RFX2: variants seen among roughly 807,000 people sequenced by gnomAD.
RFX2 encodes the protein regulatory factor X2.
In RFX2, 20 loss-of-function variants were observed where a neutral mutation model predicts 87.8. The ratio of observed to expected loss-of-function variants is 0.23; its 90% CI spans 0.16 to 0.33. The LOEUF is 0.33. Among genes scored for constraint, RFX2 ranks in the 10% least tolerant of loss-of-function variants. RFX2 has a pLI of 1.00. For synonymous variants in RFX2, 397 were observed against 431.3 expected (o/e 0.92, Z 0.98); for missense variants, 767 against 1,012.3 (o/e 0.76, Z 3.29).
Position 6,047,498 on chromosome 19 carries a change from C to T in RFX2, c.-2G>A. The T allele has an allele frequency of 6.2e-7, 1 of 1,607,264 alleles. No homozygotes were observed. Among genetic ancestry groups the T allele is most frequent in the Non-Finnish European group, 8.5e-7 (1 of 1,176,886 alleles). ...CGCTCCACCCTCGGAATTCTGCATG[C>T]TCAGGTCTAAAGAAAGGCGGAGAGA... On this transcript the variant is annotated 5_prime_UTR_variant, in exon 2 of 18. Coordinates refer to ENST00000303657, the MANE Select transcript of RFX2 (RefSeq NM_000635.4). The surrounding 1 kb of genome is among the most constrained non-coding windows in gnomAD (Gnocchi z 4.2).
chr19:6,053,957 A>C (rs2087298126), intron 1 of RFX2, among the ~76,000 whole-genome samples: 1 of 138,026 alleles, frequency 7.2e-6, no homozygotes, highest in Non-Finnish European at 1.5e-5. Flanking sequence ...CTCTATCTCA[A>C]AAAAAAAAAA....
chr19:6,005,886 T>G (rs2086573000), intron 12 of RFX2, among the ~76,000 whole-genome samples: 1 of 152,180 alleles, frequency 6.6e-6, no homozygotes, highest in South Asian at 2.1e-4. Context: ...GGTGGTCGTC[T>G]GCAAGACCAG....
chr19:6,077,190 A>C (rs2087704550), intron 1 of RFX2: 1 of 152,304 alleles, frequency 6.6e-6, no homozygotes, highest in South Asian at 2.1e-4. Flanking sequence ...AGCTTCCTTA[A>C]ATCTCTTTAG....
chr19:6,031,864 G>A (rs568359127), intron 5 of RFX2, among the ~76,000 whole-genome samples: 30 of 152,210 alleles, frequency 2.0e-4, no homozygotes, highest in African/African-American at 7.0e-4. Flanking sequence ...TGCTGCCCAG[G>A]CTGGAGTGCA....
intron 2 of RFX2, among the ~76,000 whole-genome samples, chr19:6,046,406 C>A (rs1334529791): frequency 6.6e-6 from 1 of 151,940 alleles, no homozygotes; most frequent in Non-Finnish European, 1.5e-5. Flanking sequence ...CATGGTGAAA[C>A]CTCGTCTCTA....
chr19:6,070,657 A>G (rs2087593966), intron 1 of RFX2, among the ~76,000 whole-genome samples: 1 of 152,134 alleles, frequency 6.6e-6, no homozygotes, highest in African/African-American at 2.4e-5. Flanking sequence ...GCCTGACAGA[A>G]GCCCCACTCC....
intron 1 of RFX2, among the ~76,000 whole-genome samples, chr19:6,054,096 CA>C (rs151233883): frequency 0.019 from 2,903 of 151,474 alleles, 111 homozygotes; most frequent in African/African-American, 0.068. Context: ...CTACAGAAAT[CA>C]AAATGATAAT....
At chr19:6,048,588 G>C (rs550889806) in intron 1 of RFX2, among the ~76,000 whole-genome samples, 2 of 152,124 alleles carry the variant, frequency 1.3e-5, no homozygotes, top group African/African-American at 4.8e-5. Flanking sequence ...CTGCCTGCTG[G>C]GGGTGGTGAG....
At position 6,022,560 on chromosome 19, in the gene RFX2, C is replaced by T. The variant is rs76356108; in HGVS notation, c.597+3603G>A. ...CCCGGTGGCCCCCAGGGGCTGAGGC[C>T]GCCTCTTCTGCTCAAGTCGGTGGCC... On this transcript the variant is annotated intron_variant, in intron 6 of 17. Coordinates refer to ENST00000303657, the MANE Select transcript of RFX2 (RefSeq NM_000635.4). This position sits in a 1 kb window ranked among gnomAD's most constrained non-coding sequence, Gnocchi z 6.2. 5.1e-3 allele frequency among the ~76,000 whole-genome samples: 769 copies of T among 152,256 alleles called. 13 individuals are homozygous for T. The East Asian group carries it at 0.091, about 18-fold the overall frequency.
intron 15 of RFX2, among the ~76,000 whole-genome samples, chr19:6,000,774 C>T (rs1203060708): frequency 6.6e-6 from 1 of 152,258 alleles, no homozygotes; most frequent in Non-Finnish European, 1.5e-5. Context: ...TTGGGTATGT[C>T]TGTATCAGCA....
intron 1 of RFX2, among the ~76,000 whole-genome samples, chr19:6,108,869 A>G (rs2088262524): frequency 6.6e-6 from 1 of 152,134 alleles, no homozygotes. Context: ...CCCTTGAAAT[A>G]GCCACTAGGA....
intron 1 of RFX2, among the ~76,000 whole-genome samples, chr19:6,082,492 G>T (rs564530520): frequency 6.6e-6 from 1 of 152,210 alleles, no homozygotes; most frequent in Admixed American, 6.5e-5. Context: ...GAGTGCAGTG[G>T]CGCGATCACA....
rs2086795007 is a variant in RFX2 at position 6,020,393 on chromosome 19, C to A, written c.598-4122G>T. ...GTCCTTCTTGCTCAACATCAAGAAA[C>A]CACAGAGAAGACTGAAGCGGCTGGA... On this transcript the variant is annotated intron_variant, in intron 6 of 17. Coordinates refer to ENST00000303657, the MANE Select transcript of RFX2 (RefSeq NM_000635.4). This position sits in a 1 kb window ranked among gnomAD's most constrained non-coding sequence, Gnocchi z 5.3. 2.6e-5 allele frequency: 4 copies of A among 152,232 alleles called. No homozygotes were observed. The highest frequency in any genetic ancestry group is 2.0e-4 in the Admixed American group (3 of 15,278). 9.4% of individuals were successfully genotyped at this position (152,232 alleles called of 1,614,324 possible).
At chr19:6,072,843 C>G (rs1390396623) in intron 1 of RFX2, 1 of 1,291,080 alleles carries the variant, frequency 7.7e-7, no homozygotes, top group Non-Finnish European at 1.1e-6. Context: ...TCAGACCCCT[C>G]GTGAAGCCCA....
chr19:6,036,079 C>G (rs1261632568), intron 5 of RFX2, among the ~76,000 whole-genome samples: 2 of 152,156 alleles, frequency 1.3e-5, no homozygotes, highest in African/African-American at 4.8e-5. Context: ...CAATCCTAGT[C>G]TATTTTACTG....
intron 1 of RFX2, among the ~76,000 whole-genome samples, chr19:6,102,412 G>A (rs530243643): frequency 6.6e-6 from 1 of 152,260 alleles, no homozygotes; most frequent in South Asian, 2.1e-4. Context: ...TTGTATGAAT[G>A]AATGATGAAC....
rs73923418 is a variant in RFX2, at chr19:6,007,371, G to A, written c.1248-205C>T. Among the ~76,000 whole-genome samples, 2,027 of 152,170 alleles carry A rather than the reference G, an allele frequency of 0.013. 28 individuals carry two copies. Among genetic ancestry groups the A allele is most frequent in the Middle Eastern group, 0.082 (24 of 294 alleles). On this transcript the variant is annotated intron_variant, in intron 11 of 17. Coordinates refer to ENST00000303657, the MANE Select transcript of RFX2 (RefSeq NM_000635.4). This position sits in a 1 kb window ranked among gnomAD's most constrained non-coding sequence, Gnocchi z 8.2. Reference sequence around the variant, plus strand: ...TTTCCCCCTGTCCCTCACTGTCCACGCTGTCCCTCCCCTGCCAGTGGTCAT... The same window carrying A: ...TTTCCCCCTGTCCCTCACTGTCCACACTGTCCCTCCCCTGCCAGTGGTCAT...
At position 6,083,021 on chromosome 19, in the gene RFX2, C is replaced by G. The variant is rs1599918622; in HGVS notation, c.-9+27372G>C. 2.0e-5 allele frequency among the ~76,000 whole-genome samples: 3 copies of G among 152,152 alleles called. No individual in the cohort carries two copies. In the South Asian group the frequency reaches 6.2e-4, roughly 32 times the overall value. ...TGGCACAAACACGGCTCGCTGCAGC[C>G]TCAACCTCCCTGGGCTCAGGGAGTA... On this transcript the variant is annotated intron_variant, in intron 1 of 17. Transcript: ENST00000303657. The surrounding 1 kb of genome is among the most constrained non-coding windows in gnomAD (Gnocchi z 4.6).
intron 4 of RFX2, 129 bp downstream of exon 4, chr19:6,041,914 AT>A (rs2087113641): frequency 1.3e-6 from 1 of 765,088 alleles, no homozygotes; most frequent in Non-Finnish European, 2.3e-6. Flanking sequence ...TCCTAATAGC[AT>A]TTTAACAGTA....
Sources: allele counts gnomAD v4.1 joint callset (sites outside exome capture counted in the v4.1 genomes callset), GRCh38; gene constraint gnomAD v4.1.1; non-coding constraint Gnocchi (gnomAD v3.1); transcripts MANE v1.5; gene names NCBI Gene and HGNC (gene_info 2026-07-23, HGNC 2026-07-21).